Variants in LRMDA observed in about 807,000 individuals in gnomAD.
LRMDA encodes the protein leucine rich melanocyte differentiation associated, also known as leucine-rich melanocyte differentiation-associated protein.
Under a neutral mutation model 29.8 loss-of-function variants are expected in LRMDA, and 18 were observed. That is an observed-to-expected ratio of 0.60 (90% CI 0.42 to 0.90). LRMDA has a LOEUF of 0.90. LRMDA is among the 40% of genes least tolerant of loss of function. LRMDA has a pLI of 0.00. For missense variants in LRMDA, 273 were observed against 273.9 expected, an observed-to-expected ratio of 1.00 and a Z score of 0.02; for synonymous variants, 125 against 109.4, an observed-to-expected ratio of 1.14 and a Z score of -0.89.
At chr10:76,448,833 T>G (rs989391133) in intron 6 of LRMDA, among the ~76,000 whole-genome samples, 1 of 151,440 alleles carries the variant, frequency 6.6e-6, no homozygotes, top group Non-Finnish European at 1.5e-5. Flanking sequence ...TAATCTCCTG[T>G]CAATTCACAG....
intron 6 of LRMDA, among the ~76,000 whole-genome samples, chr10:76,511,322 G>T (rs886467318): frequency 6.6e-6 from 1 of 152,034 alleles, no homozygotes; most frequent in Non-Finnish European, 1.5e-5. Flanking sequence ...TCAAGTTTAC[G>T]TGGTTTGACT....
intron 5 of LRMDA, among the ~76,000 whole-genome samples, chr10:76,206,522 G>T (rs1851540257): frequency 6.6e-6 from 1 of 152,160 alleles, no homozygotes. Flanking sequence ...TGTGTCCTCA[G>T]CCCCTAACAC....
intron 6 of LRMDA, among the ~76,000 whole-genome samples, chr10:76,391,180 G>T (rs748521656): frequency 4.6e-5 from 7 of 152,156 alleles, no homozygotes; most frequent in Non-Finnish European, 1.0e-4. Flanking sequence ...ATTTTAGGAA[G>T]CCAGGAATCC....
At chr10:75,493,509 C>T (rs190113663) in intron 2 of LRMDA, among the ~76,000 whole-genome samples, 26 of 152,208 alleles carry the variant, frequency 1.7e-4, no homozygotes, top group Admixed American at 7.9e-4. Context: ...TGGGCCACCA[C>T]GCTCTGAAGC....
At chr10:76,485,659 A>G (rs1198632620) in intron 6 of LRMDA, among the ~76,000 whole-genome samples, 1 of 151,674 alleles carries the variant, frequency 6.6e-6, no homozygotes, top group Non-Finnish European at 1.5e-5. Context: ...TTTTCCTTCA[A>G]TAATTATTTT....
chr10:75,640,488 AG>A (rs1211421676), intron 2 of LRMDA, among the ~76,000 whole-genome samples: 1 of 152,170 alleles, frequency 6.6e-6, no homozygotes, highest in African/African-American at 2.4e-5. Flanking sequence ...TCTGTGTCTG[AG>A]TTTAGATCTG....
chr10:76,220,374 A>G (rs1485915352), intron 5 of LRMDA, among the ~76,000 whole-genome samples: 2 of 152,186 alleles, frequency 1.3e-5, no homozygotes, highest in Non-Finnish European at 2.9e-5. Flanking sequence ...GACCACTAGC[A>G]AGACTAATAA....
intron 6 of LRMDA, among the ~76,000 whole-genome samples, chr10:76,550,889 G>C (rs1313350756): frequency 6.6e-6 from 1 of 152,182 alleles, no homozygotes; most frequent in Non-Finnish European, 1.5e-5. Flanking sequence ...AGGATGTTGT[G>C]CTAGGAGCCT....
At position 75,550,923 on chromosome 10, in the gene LRMDA, A is replaced by G. The variant is rs1237543360; in HGVS notation, c.131+112429A>G. Among the ~76,000 whole-genome samples, 4 of 152,144 alleles carry G rather than the reference A, an allele frequency of 2.6e-5. No individual in the cohort carries two copies. In the East Asian group the frequency reaches 5.8e-4, roughly 22 times the overall value. On this transcript the variant is annotated intron_variant, in intron 2 of 6. Coordinates refer to ENST00000611255, the MANE Select transcript of LRMDA (RefSeq NM_001305581.2). ...TTATTTATAGTTTAAGAATCTTACA[A>G]TGGTACTCTTCCATTTTCTTCTTTC... is the stretch of plus-strand genomic sequence containing the variant.
chr10:76,504,850 G>T (rs1392362330), intron 6 of LRMDA, among the ~76,000 whole-genome samples: 1 of 152,006 alleles, frequency 6.6e-6, no homozygotes. Flanking sequence ...CATATTGTTA[G>T]CTGGTTGTTT....
At chr10:76,227,975 C>A (rs1169065299) in intron 5 of LRMDA, among the ~76,000 whole-genome samples, 2 of 151,684 alleles carry the variant, frequency 1.3e-5, no homozygotes, top group African/African-American at 4.9e-5. Flanking sequence ...CAGAGTTCAA[C>A]CAGTGGGGAC....
At chr10:76,087,227 G>C (rs1303607875) in intron 5 of LRMDA, among the ~76,000 whole-genome samples, 1 of 152,146 alleles carries the variant, frequency 6.6e-6, no homozygotes, top group East Asian at 1.9e-4. Context: ...GGTACTAGCT[G>C]TCTTCATCCG....
intron 2 of LRMDA, among the ~76,000 whole-genome samples, chr10:75,815,807 A>G (rs1844048882): frequency 6.6e-6 from 1 of 152,224 alleles, no homozygotes; most frequent in Non-Finnish European, 1.5e-5. Context: ...ATGAACATTT[A>G]TTCAGTGCTG....
intron 2 of LRMDA, among the ~76,000 whole-genome samples, chr10:75,908,438 C>A (rs1207891903): frequency 6.6e-6 from 1 of 152,128 alleles, no homozygotes; most frequent in East Asian, 1.9e-4. Flanking sequence ...TTTGTGATGG[C>A]AAAATGCAAT....
chr10:76,115,313 G>A (rs11813119), intron 5 of LRMDA, among the ~76,000 whole-genome samples: 41 of 152,336 alleles, frequency 2.7e-4, no homozygotes, highest in African/African-American at 9.4e-4. Flanking sequence ...AAGCACAGAT[G>A]TGCGATTCCC....
At chr10:75,977,374 T>C (rs1847091856) in intron 2 of LRMDA, among the ~76,000 whole-genome samples, 1 of 152,186 alleles carries the variant, frequency 6.6e-6, no homozygotes, top group Admixed American at 6.5e-5. Flanking sequence ...TGACTGAACA[T>C]GTGCCAGGCC....
intron 5 of LRMDA, among the ~76,000 whole-genome samples, chr10:76,112,298 T>C (rs1554848063): frequency 6.6e-6 from 1 of 152,090 alleles, no homozygotes; most frequent in Non-Finnish European, 1.5e-5. Flanking sequence ...CTGAGCACAC[T>C]GGGGGCATGC....
chr10:75,873,311 A>T (rs1845143303), intron 2 of LRMDA, among the ~76,000 whole-genome samples: 1 of 152,224 alleles, frequency 6.6e-6, no homozygotes, highest in Non-Finnish European at 1.5e-5. Context: ...AATCACTTTA[A>T]TTCAGTCTGG....
intron 6 of LRMDA, among the ~76,000 whole-genome samples, chr10:76,426,936 G>A (rs545902126): frequency 4.7e-4 from 71 of 152,268 alleles, no homozygotes; most frequent in African/African-American, 1.6e-3. Flanking sequence ...TTATTTCTGA[G>A]GGCTGTGTTC....
Sources: gnomAD v4.1 joint callset for allele counts (sites outside exome capture counted in the v4.1 genomes callset) on GRCh38, gnomAD v4.1.1 for gene constraint, MANE v1.5 for transcripts, NCBI Gene and HGNC (gene_info 2026-07-23, HGNC 2026-07-21) for gene names.